The following SNTA1 variants were observed in gnomAD, a reference collection of about 807,000 sequenced individuals.
SNTA1 encodes alpha-1-syntrophin.
SNTA1 carries 31 observed loss-of-function variants against 47.1 expected under a neutral mutation model. The ratio of observed to expected loss-of-function variants is 0.66; its 90% CI spans 0.49 to 0.89. SNTA1 has a LOEUF of 0.89. SNTA1 is among the 40% of genes least tolerant of loss of function. The pLI, the probability that SNTA1 is intolerant of heterozygous loss-of-function variation, is 0.00. For synonymous variants in SNTA1, 300 were observed against 313.6 expected, an observed-to-expected ratio of 0.96 and a Z score of 0.46; for missense variants, 575 against 693.0, an observed-to-expected ratio of 0.83 and a Z score of 1.91.
At chr20:33,411,795 T>G (rs535679325) in intron 5 of SNTA1, among the ~76,000 whole-genome samples, 1 of 152,356 alleles carries the variant, frequency 6.6e-6, no homozygotes, top group South Asian at 2.1e-4. Flanking sequence ...TAGCCCTTCA[T>G]GCCTCTGTAC....
rs558029451 is a variant in SNTA1, at chr20:33,413,627, A to G, written c.702-845T>C. 9.6e-4 allele frequency among the ~76,000 whole-genome samples: 137 copies of G among 142,562 alleles called. 2 individuals are homozygous for G. In the East Asian group the frequency reaches 0.019, roughly 20 times the overall value. The allele number at this position is 142,562 out of a possible 152,430, so 93.5% of individuals were successfully genotyped here. A position where few individuals can be genotyped will look rare whatever the true frequency, so the allele number is the denominator to read the frequency against. ...ACTAATTCACTAATAAGAGCAGGGG[A>G]AAAAAAAAAAAAAAACTAAGCTGGA... On this transcript the variant is annotated intron_variant, in intron 3 of 7. Coordinates refer to ENST00000217381, the MANE Select transcript of SNTA1 (RefSeq NM_003098.3).
At position 33,438,861 on chromosome 20, in the gene SNTA1, C is replaced by G; in HGVS notation, c.476G>C (p.Gly159Ala). 6.2e-7 allele frequency: 1 copy of G among 1,614,002 alleles called. No homozygotes were observed. Among genetic ancestry groups the G allele is most frequent in the Non-Finnish European group, 8.5e-7 (1 of 1,179,972 alleles). Reference protein sequence around the residue: ...DEAVQVLKKTGKEVVLEVKYM... With the variant: ...DEAVQVLKKTAKEVVLEVKYM... The stretch of plus-strand genomic sequence containing the variant: ...CTTACCCTCCAGCACCACCTCCTTG[C>G]CTGTCTTCTTGAGGACCTGCACCGC... The change falls in exon 2 of 8, where the codon GGC (glycine) becomes GCC (alanine). Residue 159 changes from glycine to alanine, a missense_variant. By Grantham distance (60) the Gly-to-Ala change is moderately conservative (BLOSUM62 0). Transcript: ENST00000217381.
intron 2 of SNTA1, among the ~76,000 whole-genome samples, chr20:33,418,402 G>A (rs1186825111): frequency 6.6e-6 from 1 of 151,758 alleles, no homozygotes; most frequent in Non-Finnish European, 1.5e-5. Context: ...CTACAGGTAC[G>A]CACTACCACA....
At chr20:33,412,190 G>A in intron 5 of SNTA1, 106 bp downstream of exon 5, 3 of 1,267,486 alleles carry the variant, frequency 2.4e-6, no homozygotes, top group Middle Eastern at 2.7e-4. Context: ...GGTCACCTGG[G>A]GAATAGCTGA....
Position 33,408,415 on chromosome 20 carries a change from C to A in SNTA1, c.*92G>T. The A allele has an allele frequency of 1.1e-6, 1 of 919,442 alleles. No individual in the cohort carries two copies. The allele number at this position is 919,442 out of a possible 1,614,324, so 57.0% of individuals were successfully genotyped here. A position where few individuals can be genotyped will look rare whatever the true frequency, so the allele number is the denominator to read the frequency against. On this transcript the variant is annotated 3_prime_UTR_variant, in exon 8 of 8. Coordinates refer to ENST00000217381, the MANE Select transcript of SNTA1 (RefSeq NM_003098.3). ...GCCCTTGTTCCTCTCCTCTCCCTTCCCTCAGCCCAGGGGTGAGCAGGCAGT... is the reference window on the plus strand; with the variant it reads ...GCCCTTGTTCCTCTCCTCTCCCTTCACTCAGCCCAGGGGTGAGCAGGCAGT...
chr20:33,411,586 C>CT (rs1264228808), intron 5 of SNTA1, among the ~76,000 whole-genome samples: 1 of 152,184 alleles, frequency 6.6e-6, no homozygotes, highest in Admixed American at 6.5e-5. Flanking sequence ...ACGTGGCAGC[C>CT]ACAGGGATTC....
intron 6 of SNTA1, among the ~76,000 whole-genome samples, chr20:33,409,520 G>T (rs1398087760): frequency 1.3e-5 from 2 of 151,876 alleles, no homozygotes; most frequent in Admixed American, 6.6e-5. Context: ...AGTGCAGTGG[G>T]CGCAATCTCG....
intron 5 of SNTA1, among the ~76,000 whole-genome samples, chr20:33,410,985 C>T (rs903749412): frequency 2.0e-4 from 30 of 152,118 alleles, no homozygotes; most frequent in African/African-American, 6.8e-4. Context: ...TCCTGACACA[C>T]GGGCCAGAGC....
At chr20:33,418,653 C>G (rs775886859) in intron 2 of SNTA1, among the ~76,000 whole-genome samples, 2 of 151,658 alleles carry the variant, frequency 1.3e-5, no homozygotes, top group Non-Finnish European at 2.9e-5. Flanking sequence ...GCTAGCCGGG[C>G]GTGGTGGCTC....
chr20:33,439,475 G>A (rs1380045469), intron 1 of SNTA1, among the ~76,000 whole-genome samples: 1 of 152,156 alleles, frequency 6.6e-6, no homozygotes, highest in Non-Finnish European at 1.5e-5. Flanking sequence ...TTGGGTGGCA[G>A]AAGGAGACCC....
Position 33,443,301 on chromosome 20 carries a change from C to A in SNTA1, c.310+10G>T. On this transcript the variant is annotated intron_variant, in intron 1 of 7. Transcript: ENST00000217381. Reference sequence around the variant, plus strand: ...ACCACGACCCCGCGCCCTCGGTGTCCCGCGCCCACCTTTGATGCTGATGCC... The same window carrying A: ...ACCACGACCCCGCGCCCTCGGTGTCACGCGCCCACCTTTGATGCTGATGCC... 1 of 1,508,190 alleles carries A rather than the reference C, an allele frequency of 6.6e-7. No homozygotes were observed. The highest frequency in any genetic ancestry group is 1.2e-5 in the South Asian group (1 of 81,452). The allele number at this position is 1,508,190 out of a possible 1,614,324, so 93.4% of individuals were successfully genotyped here. A position where few individuals can be genotyped will look rare whatever the true frequency, so the allele number is the denominator to read the frequency against.
chr20:33,429,073 C>T (rs566935689), intron 2 of SNTA1, among the ~76,000 whole-genome samples: 6 of 151,734 alleles, frequency 4.0e-5, no homozygotes, highest in African/African-American at 1.2e-4. Flanking sequence ...AGGCCAGGCA[C>T]GGTGGCTTAT....
chr20:33,410,220 CTCCACGCTGAACAGGTGAGTG>C lies in SNTA1; in HGVS notation c.1131_1151del (p.Asp377_Val383del). On this transcript the variant is annotated inframe_deletion, in exon 6 of 8. Coordinates refer to ENST00000217381, the MANE Select transcript of SNTA1 (RefSeq NM_003098.3). ...TCCAGGCAGCCAGCTCCTGCGGTGA[CTCCACGCTGAACAGGTGAGTG>C]TCCACACCGTGACGCGTGCCCGTGC... 1 of 1,614,002 alleles carries C rather than the reference CTCCACGCTGAACAGGTGAGTG, an allele frequency of 6.2e-7. No homozygotes were observed. Among genetic ancestry groups the C allele is most frequent in the Non-Finnish European group, 8.5e-7 (1 of 1,180,022 alleles).
chr20:33,408,623 G>A, intron 7 of SNTA1, 24 bp from the exon 8 acceptor site: 3 of 1,611,982 alleles, frequency 1.9e-6, no homozygotes, highest in Non-Finnish European at 2.5e-6. Flanking sequence ...GGAGAGAAGA[G>A]TCAGGGCCCT....
chr20:33,422,162 C>A (rs537456285), intron 2 of SNTA1, among the ~76,000 whole-genome samples: 1 of 152,218 alleles, frequency 6.6e-6, no homozygotes, highest in East Asian at 1.9e-4. Context: ...AAAGAAATTG[C>A]CGGGCACAGT....
Position 33,417,900 on chromosome 20 carries a change from G to A in SNTA1, c.520C>T (p.Pro174Ser). ...CCACCAGTAGAGTTCTTGAAATACG[G>A]TGAGACGTCCTTCATATACTTGACT... Reference protein sequence around the residue: ...LEVKYMKDVSPYFKNSTGGTS... With the variant: ...LEVKYMKDVSSYFKNSTGGTS... The change falls in exon 3 of 8, where the codon CCG becomes TCG. Residue 174 changes from proline to serine, a missense_variant. By Grantham distance (74) the Pro-to-Ser change is moderately conservative. Coordinates refer to ENST00000217381, the MANE Select transcript of SNTA1 (RefSeq NM_003098.3). The A allele has an allele frequency of 6.2e-7, 1 of 1,613,718 alleles. No homozygotes were observed. Among genetic ancestry groups the A allele is most frequent in the Non-Finnish European group, 8.5e-7 (1 of 1,179,638 alleles).
At chr20:33,423,662 A>G (rs1369041647) in intron 2 of SNTA1, among the ~76,000 whole-genome samples, 2 of 152,226 alleles carry the variant, frequency 1.3e-5, no homozygotes, top group Non-Finnish European at 2.9e-5. Flanking sequence ...CTGGAAACAC[A>G]TGGAAGAGAA....
At chr20:33,427,738 G>A (rs938616198) in intron 2 of SNTA1, among the ~76,000 whole-genome samples, 1 of 152,006 alleles carries the variant, frequency 6.6e-6, no homozygotes, top group Non-Finnish European at 1.5e-5. Context: ...AAGAGGCTAG[G>A]GACAACTTGA....
chr20:33,410,355 G>A (rs751019634), intron 5 of SNTA1, 24 bp from the exon 6 acceptor site: 3 of 1,507,940 alleles, frequency 2.0e-6, no homozygotes, highest in Non-Finnish European at 2.7e-6. Context: ...GCAGAGGGCT[G>A]AGCATGAGGC....
Sources: gnomAD v4.1 joint callset for allele counts (sites outside exome capture counted in the v4.1 genomes callset) on GRCh38, gnomAD v4.1.1 for gene constraint, MANE v1.5 for transcripts, NCBI Gene and HGNC (gene_info 2026-07-23, HGNC 2026-07-21) for gene names.